Variants in CA5B observed in about 807,000 individuals in gnomAD.
The protein encoded by CA5B is carbonic anhydrase 5B, mitochondrial.
Under a neutral mutation model 23.1 loss-of-function variants are expected in CA5B, and 15 were observed. The observed-to-expected ratio is 0.65, with a 90% CI of 0.43 to 1.00. The LOEUF (loss-of-function observed/expected upper bound fraction) is 1.00. CA5B is among the 50% of genes least tolerant of loss of function. CA5B has a pLI of 0.00. For missense variants in CA5B, 236 were observed against 252.2 expected (o/e 0.94, Z 0.43); for synonymous variants, 84 against 98.5 (o/e 0.85, Z 0.87).
intron 2 of CA5B, among the ~76,000 whole-genome samples, chrX:15,754,785 A>G (rs936082963): frequency 1.8e-5 from 2 of 112,364 alleles, no homozygotes; most frequent in African/African-American, 6.5e-5. Flanking sequence ...TGTTATTCCA[A>G]TGATTCTTAA....
chrX:15,751,917 C>A (rs1931363578), intron 2 of CA5B, among the ~76,000 whole-genome samples: 1 of 111,427 alleles, frequency 9.0e-6, no homozygotes, highest in South Asian at 3.8e-4. Context: ...CAACAGAAGG[C>A]CAATGTACAC....
At position 15,782,587 on chromosome X, in the gene CA5B, C is replaced by G; in HGVS notation, c.877C>G (p.Arg293Gly). The G allele has an allele frequency of 1.7e-6, 2 of 1,208,476 alleles. No homozygotes were observed. The highest frequency in any genetic ancestry group is 2.2e-6 in the Non-Finnish European group (2 of 893,599). ...PLQPLMNRTV[R>G]SSFRHDYVLN... ...TCAGCCACTGATGAATCGCACTGTTCGTTCATCCTTCCGGCATGATTATGT... is the reference window on the plus strand; with the variant it reads ...TCAGCCACTGATGAATCGCACTGTTGGTTCATCCTTCCGGCATGATTATGT... Residue 293 changes from arginine to glycine, a missense_variant, in exon 8 of 8, where the codon CGT becomes GGT. Transcript: ENST00000318636.
intron 3 of CA5B, chrX:15,769,313 C>A (rs780571275): frequency 1.5e-5 from 2 of 137,135 alleles, no homozygotes; most frequent in Non-Finnish European, 2.7e-5. Context: ...CATCTCATAC[C>A]GCAGTCCTCT....
chrX:15,767,522 C>T (rs1054781274), intron 3 of CA5B, among the ~76,000 whole-genome samples: 17 of 110,512 alleles, frequency 1.5e-4, no homozygotes, highest in Non-Finnish European at 2.7e-4. Flanking sequence ...CCACCTCAGC[C>T]TCCCGAGTAG....
chrX:15,777,028 G>A (rs934168599), intron 7 of CA5B, among the ~76,000 whole-genome samples, 159 bp downstream of exon 7: 2 of 112,241 alleles, frequency 1.8e-5, no homozygotes, highest in African/African-American at 6.5e-5. Context: ...ATGAATTTGG[G>A]GATGTTTCAA....
intron 3 of CA5B, among the ~76,000 whole-genome samples, chrX:15,767,635 C>A (rs1286964739): frequency 9.0e-6 from 1 of 110,933 alleles, no homozygotes; most frequent in Non-Finnish European, 1.9e-5. Context: ...GTTGCCCAGG[C>A]TGGAGTGCAA....
intron 2 of CA5B, among the ~76,000 whole-genome samples, chrX:15,761,546 A>G (rs1207562430): frequency 8.9e-6 from 1 of 112,774 alleles, no homozygotes; most frequent in African/African-American, 3.2e-5. Flanking sequence ...ATACTGAGGA[A>G]AGAAAAAAAC....
chrX:15,768,880 C>T (rs559779128), intron 3 of CA5B: 9 of 111,952 alleles, frequency 8.0e-5, no homozygotes, highest in Middle Eastern at 4.6e-3. Flanking sequence ...CCACAGTGTG[C>T]TTTGTGAGGA....
At position 15,784,545 on chromosome X, in the gene CA5B, C is replaced by T. The variant is rs1932080994; in HGVS notation, c.*1881C>T. The T allele has an allele frequency of 8.9e-6, 1 of 112,201 alleles. No homozygotes were observed. Among genetic ancestry groups the T allele is most frequent in the Non-Finnish European group, 1.9e-5 (1 of 53,296 alleles). 9.2% of individuals were successfully genotyped at this position (112,201 alleles called of 1,213,427 possible). A position where few individuals can be genotyped will look rare whatever the true frequency, so the allele number is the denominator to read the frequency against. On this transcript the variant is annotated 3_prime_UTR_variant, in exon 8 of 8. Coordinates refer to ENST00000318636, the MANE Select transcript of CA5B (RefSeq NM_007220.4). ...AATATCTTGGAATGTTTCTGAATGCCTCTAAGCCTATGTTCAGACTCTGTT... is the reference window on the plus strand; with the variant it reads ...AATATCTTGGAATGTTTCTGAATGCTTCTAAGCCTATGTTCAGACTCTGTT...
intron 1 of CA5B, among the ~76,000 whole-genome samples, chrX:15,745,183 A>AAAAAAAAAAAAAAAAAAAG (rs1555992328): frequency 4.6e-5 from 4 of 86,777 alleles, no homozygotes; most frequent in Non-Finnish European, 9.1e-5. Flanking sequence ...AAAAAAAAAA[A>AAAAAAAAAAAAAAAAAAAG]AAAAGAAAAG....
chrX:15,766,846 C>T (rs1199506879), intron 3 of CA5B: 6 of 310,378 alleles, frequency 1.9e-5, no homozygotes, highest in East Asian at 1.0e-4. Context: ...TATTGTGTAG[C>T]GGTGAAGTCT....
intron 3 of CA5B, among the ~76,000 whole-genome samples, chrX:15,766,047 C>T (rs1269752294): frequency 1.9e-5 from 2 of 105,383 alleles, no homozygotes; most frequent in East Asian, 3.0e-4. Context: ...ATCCCAGCTA[C>T]TCGGGAGGCT....
chrX:15,739,621 G>C (rs1601774146), intron 1 of CA5B, among the ~76,000 whole-genome samples: 1 of 111,574 alleles, frequency 9.0e-6, no homozygotes, highest in African/African-American at 3.3e-5. Flanking sequence ...TGAATTGTGA[G>C]TGAATGAATG....
intron 7 of CA5B, among the ~76,000 whole-genome samples, chrX:15,781,330 G>A (rs1262612867): frequency 8.9e-6 from 1 of 112,053 alleles, no homozygotes; most frequent in Non-Finnish European, 1.9e-5. Flanking sequence ...GCTACTGGTT[G>A]ATACTGCAGC....
rs1392243184 is a variant in CA5B at position 15,742,556 on chromosome X, TAG to T, written c.-54+4207_-54+4208del. Among the ~76,000 whole-genome samples the T allele has an allele frequency of 2.7e-5, 3 of 112,396 alleles. No homozygotes were observed. In the Admixed American group the frequency reaches 2.8e-4, roughly 11 times the overall value. ...ACCTGGCTAATTTTTGTATTTTTAGTAGAGTCGTGGTTTCACCATGTTGGCCA... is the reference window on the plus strand; with the variant it reads ...ACCTGGCTAATTTTTGTATTTTTAGTAGTCGTGGTTTCACCATGTTGGCCA... On this transcript the variant is annotated intron_variant, in intron 1 of 7. Transcript: ENST00000318636.
chrX:15,746,738 T>C (rs1931242412), intron 1 of CA5B, among the ~76,000 whole-genome samples: 1 of 110,684 alleles, frequency 9.0e-6, no homozygotes, highest in Non-Finnish European at 1.9e-5. Context: ...ATTGCTCAGG[T>C]TGGAGATGGA....
At chrX:15,751,663 TTTAC>T (rs776309907) in intron 2 of CA5B, among the ~76,000 whole-genome samples, 6 of 110,641 alleles carry the variant, frequency 5.4e-5, no homozygotes, top group Non-Finnish European at 1.1e-4. Flanking sequence ...GAGGGGCAGT[TTTAC>T]TTAGTGAATT....
At chrX:15,755,176 G>A (rs1036785033) in intron 2 of CA5B, among the ~76,000 whole-genome samples, 12 of 112,058 alleles carry the variant, frequency 1.1e-4, no homozygotes, top group Non-Finnish European at 2.1e-4. Flanking sequence ...TTATTAACAT[G>A]CAAGTAACCT....
chrX:15,780,277 ATTT>A (rs34933895), intron 7 of CA5B, among the ~76,000 whole-genome samples: 1 of 100,127 alleles, frequency 1.0e-5, no homozygotes. Flanking sequence ...TGCCTGGAAC[ATTT>A]TTTTTTTTTT....
Sources: gnomAD v4.1 joint callset for allele counts (sites outside exome capture counted in the v4.1 genomes callset) on GRCh38, gnomAD v4.1.1 for gene constraint, MANE v1.5 for transcripts, NCBI Gene and HGNC (gene_info 2026-07-23, HGNC 2026-07-21) for gene names.